RELN: variants seen among roughly 807,000 people sequenced by gnomAD.
RELN encodes the protein reelin.
In RELN, 108 loss-of-function variants were observed where a neutral mutation model predicts 427.6. The ratio of observed to expected loss-of-function variants is 0.25; its 90% CI spans 0.22 to 0.30. The LOEUF (loss-of-function observed/expected upper bound fraction) is 0.30, where lower values mean the gene tolerates loss of function less well. Among genes scored for constraint, RELN ranks in the 10% least tolerant of loss-of-function variants. RELN has a pLI of 1.00. For missense variants in RELN, 3,715 were observed against 4,302.8 expected (o/e 0.86, Z 3.82); for synonymous variants, 1,524 against 1,513.4 (o/e 1.01, Z -0.16).
intron 5 of RELN, among the ~76,000 whole-genome samples, chr7:103,752,604 G>A (rs945408623): frequency 6.6e-6 from 1 of 151,542 alleles, no homozygotes; most frequent in African/African-American, 2.4e-5. Flanking sequence ...GGTAGAGATG[G>A]GGGTCTTGCT....
chr7:103,769,592 C>T (rs1314412209), intron 4 of RELN, among the ~76,000 whole-genome samples: 3 of 152,152 alleles, frequency 2.0e-5, no homozygotes, highest in East Asian at 1.9e-4. Context: ...TCAAAGCCCT[C>T]GTGAAGCCTA....
chr7:103,661,050 C>A (rs1833129225), intron 12 of RELN, among the ~76,000 whole-genome samples: 1 of 152,060 alleles, frequency 6.6e-6, no homozygotes, highest in African/African-American at 2.4e-5. Context: ...TGGGGGGAAG[C>A]TGGGAAAAAG....
intron 51 of RELN, among the ~76,000 whole-genome samples, chr7:103,507,319 C>T (rs902873983): frequency 6.6e-6 from 1 of 152,090 alleles, no homozygotes; most frequent in Non-Finnish European, 1.5e-5. Flanking sequence ...GAGCGGAAAT[C>T]ATAACAAACT....
At position 103,535,383 on chromosome 7, in the gene RELN, G is replaced by A. The variant is rs751431158; in HGVS notation, c.7282C>T (p.Arg2428Trp). 6.2e-6 allele frequency: 10 copies of A among 1,613,922 alleles called. No homozygotes were observed. The highest frequency in any genetic ancestry group is 2.7e-5 in the African/African-American group (2 of 74,904). Residue 2428 changes from arginine to tryptophan, a missense_variant, in exon 46 of 65, where the codon CGG becomes TGG. Coordinates refer to ENST00000428762, the MANE Select transcript of RELN (RefSeq NM_005045.4). ...NVECSRYHLQ[R>W]ILVSDTFNKW... ...TTGAAAGTGTCTGACACCAGGATCC[G>A]TTGCAGATGATAGCGACTGCATTCC...
At chr7:103,821,812 T>G (rs2116373523) in intron 3 of RELN, among the ~76,000 whole-genome samples, 1 of 152,284 alleles carries the variant, frequency 6.6e-6, no homozygotes, top group South Asian at 2.1e-4. Flanking sequence ...TTTCACTGTT[T>G]ATCTTTCCTA....
chr7:103,920,280 G>T (rs1202235423), intron 1 of RELN, among the ~76,000 whole-genome samples: 1 of 152,070 alleles, frequency 6.6e-6, no homozygotes, highest in Non-Finnish European at 1.5e-5. Context: ...ATAAATTTGG[G>T]TATATTAGGA....
chr7:103,514,686 C>T (rs948060992), intron 50 of RELN, among the ~76,000 whole-genome samples: 3 of 152,062 alleles, frequency 2.0e-5, no homozygotes, highest in African/African-American at 7.2e-5. Flanking sequence ...CAAAGAGGTC[C>T]TTCCTGCTTC....
Position 103,491,898 on chromosome 7 carries a change from C to T in RELN, c.9443+55G>A, listed in dbSNP as rs1010985378. 63 of 738,286 alleles carry T rather than the reference C, an allele frequency of 8.5e-5. No individual in the cohort carries two copies. The African/African-American group carries it at 1.0e-3, about 12-fold the overall frequency. 45.7% of individuals were successfully genotyped at this position (738,286 alleles called of 1,614,324 possible). On this transcript the variant is annotated intron_variant, in intron 58 of 64. Transcript: ENST00000428762. ...CACACACACACACACACACACACAA[C>T]GATTTGGATGGGGTATTCAAGTTTG...
In RELN at chr7:103,635,543, T is replaced by C. The variant is rs1160002173; in HGVS notation, c.2347A>G (p.Ser783Gly). The C allele has an allele frequency of 6.2e-7, 1 of 1,613,952 alleles. No homozygotes were observed. Among genetic ancestry groups the C allele is most frequent in the East Asian group, 2.2e-5 (1 of 44,870 alleles). ...TLRLGSKSVL[S>G]TCRAPDQPGE... Reference sequence around the variant, plus strand: ...GGCTGATCAGGGGCTCTGCACGTGCTCAGAACAGATTTGCTCCCCAGTCTC... The same window carrying C: ...GGCTGATCAGGGGCTCTGCACGTGCCCAGAACAGATTTGCTCCCCAGTCTC... The change falls in exon 19 of 65, where the codon AGC becomes GGC. Residue 783 changes from serine to glycine, a missense_variant. Coordinates refer to ENST00000428762, the MANE Select transcript of RELN (RefSeq NM_005045.4).
intron 2 of RELN, among the ~76,000 whole-genome samples, chr7:103,858,340 C>G (rs13247386): frequency 0.14 from 21,832 of 152,058 alleles, 1,869 homozygotes; most frequent in East Asian, 0.34. Context: ...TAGTATAGTA[C>G]CTGGCACATA....
intron 29 of RELN, among the ~76,000 whole-genome samples, 195 bp from the exon 30 acceptor site, chr7:103,574,494 C>T (rs1830954885): frequency 6.6e-6 from 1 of 152,196 alleles, no homozygotes; most frequent in Admixed American, 6.5e-5. Flanking sequence ...TATTCTGCCT[C>T]TGTAAATTTT....
chr7:103,595,305 T>C (rs540725588), intron 25 of RELN, among the ~76,000 whole-genome samples: 1 of 152,312 alleles, frequency 6.6e-6, no homozygotes, highest in Admixed American at 6.5e-5. Context: ...CTCTACTATA[T>C]TGCATCTAGG....
intron 4 of RELN, among the ~76,000 whole-genome samples, chr7:103,762,531 C>T (rs1791327819): frequency 1.3e-5 from 2 of 152,186 alleles, no homozygotes; most frequent in Admixed American, 6.5e-5. Context: ...GCTGATCCAA[C>T]TGCAAATTCC....
intron 36 of RELN, among the ~76,000 whole-genome samples, chr7:103,559,037 T>C (rs1278287424): frequency 6.6e-6 from 1 of 152,182 alleles, no homozygotes; most frequent in Non-Finnish European, 1.5e-5. Context: ...ATATATTGAG[T>C]GCCTATACAT....
rs182721271 is a variant in RELN, at chr7:103,511,087, A to G, written c.8120-82T>C. 46 of 968,614 alleles carry G rather than the reference A, an allele frequency of 4.7e-5. No individual in the cohort carries two copies. The East Asian group carries it at 1.2e-3, about 25-fold the overall frequency. 60.0% of individuals were successfully genotyped at this position (968,614 alleles called of 1,614,324 possible). On this transcript the variant is annotated intron_variant, in intron 50 of 64. Transcript: ENST00000428762. ...AATTTTCACTTTAAGCAAGACATAG[A>G]ATTATTTTAAGTAGAAACTGCTCAT...
chr7:103,581,665 A>G (rs1357005033), intron 28 of RELN, among the ~76,000 whole-genome samples: 2 of 152,202 alleles, frequency 1.3e-5, no homozygotes, highest in Non-Finnish European at 2.9e-5. Flanking sequence ...TGCACTTCTT[A>G]TTAAAAAAGG....
rs1187538150 is a variant in RELN, at chr7:103,919,133, CTT to C, written c.227-1950_227-1949del. Among the ~76,000 whole-genome samples, 979 of 101,290 alleles carry C rather than the reference CTT, an allele frequency of 9.7e-3. 6 individuals are homozygous for C. The highest frequency in any genetic ancestry group is 0.033 in the African/African-American group (884 of 27,070). The allele number at this position is 101,290 out of a possible 152,430, so 66.5% of individuals were successfully genotyped here. A position where few individuals can be genotyped will look rare whatever the true frequency, so the allele number is the denominator to read the frequency against. Reference sequence around the variant, plus strand: ...ATCCATATGTGAACTGATAATCGGTCTTTTTTTTTTTTTTTTTTTTTTTAGAA... The same window carrying C: ...ATCCATATGTGAACTGATAATCGGTCTTTTTTTTTTTTTTTTTTTTTAGAA... On this transcript the variant is annotated intron_variant, in intron 1 of 64. Coordinates refer to ENST00000428762, the MANE Select transcript of RELN (RefSeq NM_005045.4).
intron 47 of RELN, 86 bp from the exon 48 acceptor site, chr7:103,522,285 T>A: frequency 7.6e-7 from 1 of 1,316,216 alleles, no homozygotes; most frequent in Non-Finnish European, 1.1e-6. Context: ...ACTACTCTTT[T>A]CCTAGTCCAA....
intron 11 of RELN, among the ~76,000 whole-genome samples, chr7:103,680,697 C>T (rs1833633475): frequency 6.6e-6 from 1 of 150,732 alleles, no homozygotes; most frequent in Non-Finnish European, 1.5e-5. Flanking sequence ...TCTTTTTTTC[C>T]CTCTAGGGTC....
Sources: allele counts gnomAD v4.1 joint callset (sites outside exome capture counted in the v4.1 genomes callset), GRCh38; gene constraint gnomAD v4.1.1; transcripts MANE v1.5; gene names NCBI Gene and HGNC (gene_info 2026-07-23, HGNC 2026-07-21).